The following EXO5 variants were observed in gnomAD, a reference collection of about 807,000 sequenced individuals.
EXO5 encodes exonuclease 5.
Under a neutral mutation model 17.8 loss-of-function variants are expected in EXO5, and 11 were observed. The ratio of observed to expected loss-of-function variants is 0.62; its 90% CI spans 0.39 to 1.02. EXO5 has a LOEUF of 1.02. EXO5 is among the 50% of genes least tolerant of loss of function. The pLI, the probability that EXO5 is intolerant of heterozygous loss-of-function variation, is 0.00. For synonymous variants in EXO5, 147 were observed against 166.5 expected, an observed-to-expected ratio of 0.88 and a Z score of 0.90; for missense variants, 364 against 434.8, an observed-to-expected ratio of 0.84 and a Z score of 1.45.
rs1313578174 is a variant in EXO5, at chr1:40,515,379, C to CT, written c.836dup (p.Thr280AsnfsTer9). ...CCTCATGGAACTTGTCTTCTTGTCTCTAACACTGTCAGACCTCCCAGTTAT... is the reference window on the plus strand; with the variant it reads ...CCTCATGGAACTTGTCTTCTTGTCTCTTAACACTGTCAGACCTCCCAGTTAT... On this transcript the variant is annotated frameshift_variant, in exon 4 of 4. Coordinates refer to ENST00000415550, the MANE Select transcript of EXO5 (RefSeq NM_001346953.2). LOFTEE classifies it high-confidence loss of function. The CT allele has an allele frequency of 1.9e-6, 3 of 1,613,922 alleles. No homozygotes were observed. Among genetic ancestry groups the CT allele is most frequent in the Non-Finnish European group, 2.5e-6 (3 of 1,180,028 alleles).
rs1402261980 is a variant in EXO5 at position 40,509,722 on chromosome 1, C to T, written c.-88-11C>T. The T allele has an allele frequency of 6.6e-6, 1 of 152,206 alleles. No individual in the cohort carries two copies. The highest frequency in any genetic ancestry group is 2.4e-5 in the African/African-American group (1 of 41,446). 9.4% of individuals were successfully genotyped at this position (152,206 alleles called of 1,614,324 possible). The stretch of plus-strand genomic sequence containing the variant: ...AGACCTGGTCTTTCAGAACTTCTTT[C>T]TCTTCCCTAGCCTTGTCATTTCAGC... On this transcript the variant is annotated splice_polypyrimidine_tract_variant and intron_variant, in intron 2 of 3. Coordinates refer to ENST00000415550, the MANE Select transcript of EXO5 (RefSeq NM_001346953.2).
Position 40,515,646 on chromosome 1 carries a change from C to G in EXO5, c.1102C>G (p.Gln368Glu). 2 of 1,609,306 alleles carry G rather than the reference C, an allele frequency of 1.2e-6. No individual in the cohort carries two copies. The highest frequency in any genetic ancestry group is 1.7e-6 in the Non-Finnish European group (2 of 1,178,508). ...SGVLSSTLAP[Q>E]VKKAK is the part of the protein sequence containing the mutation. ...AGTGCTCAGCTCTACACTGGCGCCC[C>G]AAGTCAAAAAAGCCAAATGAATAGA... Residue 368 changes from glutamine (Q) to glutamate (E), a missense_variant, in exon 4 of 4, where the codon CAA becomes GAA. Physicochemically the swap from Gln to Glu is conservative, Grantham distance 29. Transcript: ENST00000415550.
At chr1:40,510,545 A>G (rs1273517816) in intron 3 of EXO5, among the ~76,000 whole-genome samples, 1 of 152,210 alleles carries the variant, frequency 6.6e-6, no homozygotes, top group African/African-American at 2.4e-5. Context: ...GTTTAGAACT[A>G]CCTGTTCTCA....
At chr1:40,512,548 G>A (rs1645798455) in intron 3 of EXO5, among the ~76,000 whole-genome samples, 1 of 152,170 alleles carries the variant, frequency 6.6e-6, no homozygotes, top group Admixed American at 6.5e-5. Context: ...CATCTACATG[G>A]TGTGGACATG....
In EXO5 at chr1:40,515,463, A is replaced by G. The variant is rs139634968; in HGVS notation, c.919A>G (p.Ile307Val). ...QETATVLGTEIVAFKEKEVRA... is the reference protein window; with the variant it reads ...QETATVLGTEVVAFKEKEVRA... ...GACTGCCACTGTGCTGGGTACTGAG[A>G]TTGTAGCCTTCAAAGAGAAGGAGGT... Residue 307 changes from isoleucine to valine, a missense_variant, in exon 4 of 4, where the codon ATT (isoleucine) becomes GTT (valine). By Grantham distance (29) the Ile-to-Val change is conservative (BLOSUM62 3). Transcript: ENST00000415550. The G allele has an allele frequency of 1.6e-5, 26 of 1,613,646 alleles. No homozygotes were observed. The African/African-American group carries it at 2.9e-4, about 18-fold the overall frequency.
Position 40,514,847 on chromosome 1 carries a change from G to A in EXO5, c.303G>A (p.Glu101=). 6.2e-7 allele frequency: 1 copy of A among 1,614,202 alleles called. No individual in the cohort carries two copies. The highest frequency in any genetic ancestry group is 8.5e-7 in the Non-Finnish European group (1 of 1,180,038). The change falls in exon 4 of 4, where the codon GAG becomes GAA. Residue 101 remains glutamate, a synonymous_variant. Coordinates refer to ENST00000415550, the MANE Select transcript of EXO5 (RefSeq NM_001346953.2). ...WCELQTAYGK[E]LPGFLAPEKA... ...AACTGCAAACAGCATATGGGAAGGA[G>A]CTTCCTGGTTTCTTGGCACCTGAGA...
Position 40,515,172 on chromosome 1 carries a change from CAG to C in EXO5, c.630_631del (p.Lys211GlufsTer15). On this transcript the variant is annotated frameshift_variant, in exon 4 of 4. Coordinates refer to ENST00000415550, the MANE Select transcript of EXO5 (RefSeq NM_001346953.2). LOFTEE classifies it high-confidence loss of function. ...GCGCCCTATGCTCCCTCTGGAAGCTCAGAAGAAGAAAGACTGTTTTCAAGTCA... is the reference window on the plus strand; with the variant it reads ...GCGCCCTATGCTCCCTCTGGAAGCTCAAGAAGAAAGACTGTTTTCAAGTCA... ...RRRPMLPLEA[Q>X]KKKDCFQVSL... The C allele has an allele frequency of 6.2e-7, 1 of 1,613,978 alleles. No homozygotes were observed. The highest frequency in any genetic ancestry group is 8.5e-7 in the Non-Finnish European group (1 of 1,180,010).
rs1328070876 is a variant in EXO5 at position 40,515,375 on chromosome 1, G to A, written c.831G>A (p.Leu277=). The change falls in exon 4 of 4, where the codon TTG becomes TTA. Residue 277 remains leucine, a synonymous_variant. Transcript: ENST00000415550. ...GTGACCTCATGGAACTTGTCTTCTT[G>A]TCTCTAACACTGTCAGACCTCCCAG... ...SLGDLMELVF[L]SLTLSDLPVI... The A allele has an allele frequency of 2.5e-6, 4 of 1,614,076 alleles. No homozygotes were observed. Among genetic ancestry groups the A allele is most frequent in the East Asian group, 2.2e-5 (1 of 44,872 alleles).
chr1:40,514,125 A>G (rs1645831718), intron 3 of EXO5, among the ~76,000 whole-genome samples: 2 of 151,782 alleles, frequency 1.3e-5, no homozygotes, highest in Admixed American at 1.3e-4. Flanking sequence ...CTAAAAATAC[A>G]AAAAATTAGC....
Position 40,514,646 on chromosome 1 carries a change from C to G in EXO5, c.102C>G (p.Ala34=), listed in dbSNP as rs1000165673. The change falls in exon 4 of 4, where the codon GCC becomes GCG. Residue 34 remains alanine (A), a synonymous_variant. Transcript: ENST00000415550. ...EFLEFLDLED[A]QESKALVNMP... is the part of the protein sequence containing the mutation. ...TGGAGTTTCTGGACCTAGAAGATGC[C>G]CAAGAGTCAAAGGCTTTAGTTAACA... is the stretch of plus-strand genomic sequence containing the variant. 6.2e-7 allele frequency: 1 copy of G among 1,613,992 alleles called. No homozygotes were observed. The highest frequency in any genetic ancestry group is 2.2e-5 in the East Asian group (1 of 44,900).
At chr1:40,510,964 G>A (rs1054321774) in intron 3 of EXO5, among the ~76,000 whole-genome samples, 1 of 152,110 alleles carries the variant, frequency 6.6e-6, no homozygotes, top group Non-Finnish European at 1.5e-5. Flanking sequence ...GGCTGGGTGC[G>A]GTGGCTCACG....
At chr1:40,511,112 G>A (rs970857790) in intron 3 of EXO5, among the ~76,000 whole-genome samples, 15 of 152,194 alleles carry the variant, frequency 9.9e-5, no homozygotes, top group Non-Finnish European at 2.1e-4. Context: ...GCGGGTGCCT[G>A]TAGTCCCAGC....
intron 3 of EXO5, 59 bp from the exon 4 acceptor site, chr1:40,514,456 G>T: frequency 7.2e-7 from 1 of 1,380,466 alleles, no homozygotes; most frequent in South Asian, 1.5e-5. Flanking sequence ...ACTGAAATTT[G>T]AAAGTGCTTT....
chr1:40,510,575 T>C (rs750878329), intron 3 of EXO5, among the ~76,000 whole-genome samples: 8 of 152,368 alleles, frequency 5.3e-5, no homozygotes, highest in Admixed American at 2.0e-4. Context: ...GTAAAACAAG[T>C]AGGAACTCCA....
In EXO5 at chr1:40,510,092, C is replaced by A. The variant is rs188203983; in HGVS notation, c.-31+302C>A. 3.9e-5 allele frequency among the ~76,000 whole-genome samples: 6 copies of A among 152,314 alleles called. No homozygotes were observed. In the East Asian group the frequency reaches 1.2e-3, roughly 29 times the overall value. On this transcript the variant is annotated intron_variant, in intron 3 of 3. Coordinates refer to ENST00000415550, the MANE Select transcript of EXO5 (RefSeq NM_001346953.2). ...TTAGAATCCATATCTGTAGGACTCC[C>A]AGACTCTTGGCATTATGCTGTTTCC...
rs1314485449 is a variant in EXO5 at position 40,514,824 on chromosome 1, C to G, written c.280C>G (p.Leu94Val). The G allele has an allele frequency of 1.9e-6, 3 of 1,614,082 alleles. No homozygotes were observed. The African/African-American group carries it at 4.0e-5, about 22-fold the overall frequency. Residue 94 changes from leucine (L) to valine (V), a missense_variant, in exon 4 of 4, where the codon CTG becomes GTG. Coordinates refer to ENST00000415550, the MANE Select transcript of EXO5 (RefSeq NM_001346953.2). Reference protein sequence around the residue: ...TDLATQNWCELQTAYGKELPG... With the variant: ...TDLATQNWCEVQTAYGKELPG... ...CCTGGCTACTCAGAACTGGTGTGAA[C>G]TGCAAACAGCATATGGGAAGGAGCT... is the stretch of plus-strand genomic sequence containing the variant.
intron 3 of EXO5, among the ~76,000 whole-genome samples, chr1:40,510,291 G>A (rs377719211): frequency 1.3e-5 from 2 of 152,008 alleles, no homozygotes; most frequent in South Asian, 2.1e-4. Flanking sequence ...TTATTCTAAG[G>A]TGTATCTAAA....
At chr1:40,510,236 A>G (rs1645748805) in intron 3 of EXO5, among the ~76,000 whole-genome samples, 2 of 151,958 alleles carry the variant, frequency 1.3e-5, no homozygotes, top group South Asian at 2.1e-4. Context: ...AAGAAACAAT[A>G]TCTGTGAAAT....
intron 3 of EXO5, among the ~76,000 whole-genome samples, chr1:40,510,858 T>C (rs1645761939): frequency 1.3e-5 from 2 of 152,340 alleles, no homozygotes; most frequent in East Asian, 1.9e-4. Context: ...GTCTAGATAT[T>C]TGAAATAAAA....
Sources: gnomAD v4.1 joint callset for allele counts (sites outside exome capture counted in the v4.1 genomes callset) on GRCh38, gnomAD v4.1.1 for gene constraint, MANE v1.5 for transcripts, NCBI Gene and HGNC (gene_info 2026-07-23, HGNC 2026-07-21) for gene names.